The following TLN2 variants were observed in gnomAD, a reference collection of about 807,000 sequenced individuals.
The protein encoded by TLN2 is talin 2.
In TLN2, 118 loss-of-function variants were observed where a neutral mutation model predicts 294.7. The observed-to-expected ratio is 0.40, with a 90% CI of 0.34 to 0.47. The LOEUF is 0.47. TLN2 is among the 20% of genes least tolerant of loss of function. TLN2 has a pLI of 0.84. For synonymous variants in TLN2, 1,431 were observed against 1,304.5 expected (o/e 1.10, Z -2.09); for missense variants, 3,083 against 3,282.2 (o/e 0.94, Z 1.48).
chr15:62,735,230 G>C (rs988328964), intron 28 of TLN2, among the ~76,000 whole-genome samples: 6 of 152,218 alleles, frequency 3.9e-5, no homozygotes, highest in African/African-American at 1.4e-4. Context: ...AGGGTAAGCT[G>C]TTCAGCGATT....
At chr15:62,519,016 A>T (rs1002729228) in intron 1 of TLN2, among the ~76,000 whole-genome samples, 2 of 152,236 alleles carry the variant, frequency 1.3e-5, no homozygotes, top group African/African-American at 2.4e-5. Flanking sequence ...TAAACTTCAC[A>T]GCAATTCTAA....
At chr15:62,401,798 C>T (rs61024612) in intron 1 of TLN2, among the ~76,000 whole-genome samples, 22,101 of 152,172 alleles carry the variant, frequency 0.15, 1,701 homozygotes, top group African/African-American at 0.19. Flanking sequence ...TTGACCAACT[C>T]TCTTTCAGTT....
chr15:62,792,585 C>T, intron 45 of TLN2, 56 bp from the exon 46 acceptor site: 4 of 1,586,880 alleles, frequency 2.5e-6, no homozygotes, highest in South Asian at 2.3e-5. Flanking sequence ...TAGGGAAGGC[C>T]TCGATGGCAG....
intron 42 of TLN2, among the ~76,000 whole-genome samples, chr15:62,772,964 T>C (rs1248395906): frequency 2.0e-5 from 3 of 151,982 alleles, no homozygotes; most frequent in Admixed American, 6.6e-5. Flanking sequence ...ACACCTGACC[T>C]TTCTGGATTT....
At chr15:62,706,512 C>T (rs2059081942) in intron 19 of TLN2, among the ~76,000 whole-genome samples, 1 of 152,236 alleles carries the variant, frequency 6.6e-6, no homozygotes, top group Non-Finnish European at 1.5e-5. Context: ...CATTTCTTGG[C>T]TCTTGAGCTA....
At chr15:62,696,361 G>A (rs2058334511) in intron 14 of TLN2, among the ~76,000 whole-genome samples, 2 of 152,182 alleles carry the variant, frequency 1.3e-5, no homozygotes, top group South Asian at 4.1e-4. Context: ...ACCTTCAGAT[G>A]ATCAGCGTCC....
intron 1 of TLN2, chr15:62,453,691 CCT>C (rs1158608324): frequency 1.3e-5 from 2 of 152,162 alleles, no homozygotes; most frequent in African/African-American, 4.8e-5. Flanking sequence ...GAATCAGCCC[CCT>C]GTGTGAGAAT....
At chr15:62,518,889 C>T (rs373850614) in intron 1 of TLN2, among the ~76,000 whole-genome samples, 1 of 152,106 alleles carries the variant, frequency 6.6e-6, no homozygotes, top group African/African-American at 2.4e-5. Context: ...TGAGCCATGG[C>T]GTCCGGCTTG....
chr15:62,568,981 A>G (rs2043638082), intron 1 of TLN2, among the ~76,000 whole-genome samples: 1 of 152,130 alleles, frequency 6.6e-6, no homozygotes, highest in African/African-American at 2.4e-5. Context: ...GTCCCAAATC[A>G]GGGTGTCTGT....
chr15:62,587,430 G>A (rs1280461496), intron 1 of TLN2, among the ~76,000 whole-genome samples: 1 of 152,028 alleles, frequency 6.6e-6, no homozygotes, highest in Non-Finnish European at 1.5e-5. Context: ...CATCTCTCTG[G>A]ACATCCAAGA....
chr15:62,656,907 C>T (rs1368708409), intron 8 of TLN2, among the ~76,000 whole-genome samples: 1 of 152,180 alleles, frequency 6.6e-6, no homozygotes, highest in Non-Finnish European at 1.5e-5. Flanking sequence ...GTGACAGAGA[C>T]TGTGTGGCCC....
intron 54 of TLN2, among the ~76,000 whole-genome samples, chr15:62,821,484 G>C (rs1369831366): frequency 1.3e-5 from 2 of 152,190 alleles, no homozygotes; most frequent in Admixed American, 1.3e-4. Context: ...ACCTATTTTT[G>C]TAAGACCAAG....
intron 1 of TLN2, among the ~76,000 whole-genome samples, chr15:62,474,997 G>T (rs1430148126): frequency 6.6e-6 from 1 of 152,032 alleles, no homozygotes; most frequent in Non-Finnish European, 1.5e-5. Context: ...CTATGCAAAA[G>T]AAACCCTAAT....
intron 1 of TLN2, among the ~76,000 whole-genome samples, chr15:62,516,098 T>A (rs1247951397): frequency 1.3e-5 from 2 of 152,224 alleles, no homozygotes; most frequent in African/African-American, 4.8e-5. Context: ...CATCTCTTTT[T>A]ACAGGTGGAG....
At chr15:62,810,966 T>G (rs759254341) in intron 52 of TLN2, among the ~76,000 whole-genome samples, 2 of 152,220 alleles carry the variant, frequency 1.3e-5, no homozygotes, top group Non-Finnish European at 2.9e-5. Context: ...GTTTTCTCAT[T>G]CTGTCCTTGC....
At chr15:62,402,927 G>C (rs919518380) in intron 1 of TLN2, among the ~76,000 whole-genome samples, 1 of 152,146 alleles carries the variant, frequency 6.6e-6, no homozygotes, top group Non-Finnish European at 1.5e-5. Flanking sequence ...GAAACATGCA[G>C]TAGTACCTGT....
intron 43 of TLN2, among the ~76,000 whole-genome samples, chr15:62,778,767 G>T (rs557572832): frequency 7.2e-4 from 110 of 152,326 alleles, no homozygotes; most frequent in African/African-American, 2.4e-3. Flanking sequence ...AGCCACAGAG[G>T]CCAGGAGCTG....
intron 2 of TLN2, among the ~76,000 whole-genome samples, chr15:62,604,524 T>TAAAAAAA (rs35955277): frequency 1.1e-5 from 1 of 87,320 alleles, no homozygotes; most frequent in Non-Finnish European, 2.2e-5. Flanking sequence ...GACCTTGTCT[T>TAAAAAAA]AAAAAAAAAA....
At chr15:62,621,666 T>C (rs1159111829) in intron 3 of TLN2, among the ~76,000 whole-genome samples, 1 of 152,238 alleles carries the variant, frequency 6.6e-6, no homozygotes, top group Non-Finnish European at 1.5e-5. Context: ...CCTGCAGTCT[T>C]GCACTTCAAT....
Sources: allele counts gnomAD v4.1 joint callset (sites outside exome capture counted in the v4.1 genomes callset), GRCh38; gene constraint gnomAD v4.1.1; transcripts MANE v1.5; gene names NCBI Gene and HGNC (gene_info 2026-07-23, HGNC 2026-07-21).